MYRFL: variants seen among roughly 807,000 people sequenced by gnomAD.
MYRFL encodes myelin regulatory factor-like protein.
MYRFL carries 88 observed loss-of-function variants against 109.4 expected under a neutral mutation model. The ratio of observed to expected loss-of-function variants is 0.80; its 90% CI spans 0.68 to 0.96. MYRFL has a LOEUF of 0.96. MYRFL is among the 40% of genes least tolerant of loss of function. MYRFL has a pLI of 0.00. For missense variants in MYRFL, 957 were observed against 954.9 expected, an observed-to-expected ratio of 1.00 and a Z score of -0.03; for synonymous variants, 324 against 320.9, an observed-to-expected ratio of 1.01 and a Z score of -0.10.
At chr12:69,833,788 G>A (rs1592676484) in intron 1 of MYRFL, among the ~76,000 whole-genome samples, 1 of 144,698 alleles carries the variant, frequency 6.9e-6, no homozygotes, top group East Asian at 2.1e-4. Context: ...AGAGATAGTT[G>A]TAGAACTCAT....
Position 69,949,808 on chromosome 12 carries a change from A to G in MYRFL, c.2225-2305A>G, listed in dbSNP as rs75999740. Reference sequence around the variant, plus strand: ...TCAATTTTTTTCCTACATGGATCACATTTCACATTTTCCCAGAATAGCAAA... The same window carrying G: ...TCAATTTTTTTCCTACATGGATCACGTTTCACATTTTCCCAGAATAGCAAA... On this transcript the variant is annotated intron_variant, in intron 19 of 24. Coordinates refer to ENST00000552032, the MANE Select transcript of MYRFL (RefSeq NM_182530.3). Among the ~76,000 whole-genome samples, 656 of 152,218 alleles carry G rather than the reference A, an allele frequency of 4.3e-3. 6 individuals are homozygous for G. The highest frequency in any genetic ancestry group is 0.015 in the African/African-American group (605 of 41,546).
At chr12:69,845,541 G>A (rs1015405360) in intron 1 of MYRFL, among the ~76,000 whole-genome samples, 3 of 152,168 alleles carry the variant, frequency 2.0e-5, no homozygotes, top group Non-Finnish European at 1.5e-5. Flanking sequence ...AGTTGGTGAT[G>A]TCTCCTCCAC....
intron 11 of MYRFL, among the ~76,000 whole-genome samples, chr12:69,904,961 A>G (rs1221625928): frequency 1.3e-5 from 2 of 152,176 alleles, no homozygotes; most frequent in Non-Finnish European, 2.9e-5. Context: ...TGCTTAGAGG[A>G]TTCCAAAGAA....
chr12:69,922,587 C>A (rs1954948855), intron 13 of MYRFL, among the ~76,000 whole-genome samples: 3 of 152,174 alleles, frequency 2.0e-5, no homozygotes, highest in Non-Finnish European at 4.4e-5. Context: ...CAGCGACCCT[C>A]TTCCACCAAC....
chr12:69,912,132 C>G (rs1954591123), intron 13 of MYRFL, among the ~76,000 whole-genome samples: 1 of 152,224 alleles, frequency 6.6e-6, no homozygotes, highest in African/African-American at 2.4e-5. Context: ...CAGCCCAGGG[C>G]TGCAAGAGCA....
At chr12:69,946,479 G>A (rs554165528) in intron 19 of MYRFL, 3 of 152,080 alleles carry the variant, frequency 2.0e-5, no homozygotes, top group South Asian at 2.1e-4. Flanking sequence ...TTTTGGCCCC[G>A]AGAATCCACT....
intron 1 of MYRFL, among the ~76,000 whole-genome samples, chr12:69,838,709 C>T (rs1438604174): frequency 6.6e-6 from 1 of 152,150 alleles, no homozygotes; most frequent in African/African-American, 2.4e-5. Flanking sequence ...TGGAAGAAGG[C>T]TTAGCTGTAA....
At chr12:69,923,869 T>C (rs1338435740) in intron 13 of MYRFL, among the ~76,000 whole-genome samples, 1 of 152,156 alleles carries the variant, frequency 6.6e-6, no homozygotes, top group Non-Finnish European at 1.5e-5. Flanking sequence ...TTTAAAAATT[T>C]TGTTTATTTT....
chr12:69,863,614 C>T (rs1884832662), intron 2 of MYRFL, among the ~76,000 whole-genome samples: 2 of 152,128 alleles, frequency 1.3e-5, no homozygotes, highest in South Asian at 4.1e-4. Flanking sequence ...TGTATTGCAT[C>T]TATATATATT....
intron 16 of MYRFL, among the ~76,000 whole-genome samples, chr12:69,932,862 CGTGTGTGT>C (rs3970822): frequency 1.3e-5 from 2 of 149,350 alleles, no homozygotes; most frequent in African/African-American, 4.9e-5. Flanking sequence ...CTGTGCCTTT[CGTGTGTGT>C]GTGTGTGTGT....
At chr12:69,925,199 G>A (rs1290916500) in intron 13 of MYRFL, among the ~76,000 whole-genome samples, 1 of 152,144 alleles carries the variant, frequency 6.6e-6, no homozygotes, top group Admixed American at 6.5e-5. Context: ...TTTATCTTAG[G>A]TAATTATGGG....
At chr12:69,952,627 C>T (rs953168108) in intron 20 of MYRFL, among the ~76,000 whole-genome samples, 172 bp from the exon 21 acceptor site, 1 of 152,120 alleles carries the variant, frequency 6.6e-6, no homozygotes, top group Admixed American at 6.5e-5. Context: ...CCCCAAAAAG[C>T]CTTCTCCCCT....
At position 69,936,201 on chromosome 12, in the gene MYRFL, T is replaced by A; in HGVS notation, c.1991+14T>A. The A allele has an allele frequency of 6.5e-7, 1 of 1,529,112 alleles. No homozygotes were observed. The highest frequency in any genetic ancestry group is 8.7e-7 in the Non-Finnish European group (1 of 1,143,968). 94.7% of individuals were successfully genotyped at this position (1,529,112 alleles called of 1,614,324 possible). ...TCTCCCTCCAAGGTGAGAGTTCAGT[T>A]CAATTTTCTGGCCTAAAATTCCTTT... is the stretch of plus-strand genomic sequence containing the variant. On this transcript the variant is annotated intron_variant, in intron 17 of 24. Transcript: ENST00000552032.
intron 7 of MYRFL, 24 bp from the exon 8 acceptor site, chr12:69,893,739 GT>G: frequency 7.6e-7 from 1 of 1,308,780 alleles, no homozygotes; most frequent in Non-Finnish European, 9.9e-7. Context: ...TAATTAATTA[GT>G]TTACTTTTTG....
At chr12:69,852,972 C>G (rs1361362736) in intron 1 of MYRFL, among the ~76,000 whole-genome samples, 1 of 152,202 alleles carries the variant, frequency 6.6e-6, no homozygotes, top group African/African-American at 2.4e-5. Context: ...AATGGAGTCT[C>G]CTACGTCTAC....
chr12:69,891,682 T>TTTCTTTCTTTCTTTTG (rs1277296623), intron 7 of MYRFL, among the ~76,000 whole-genome samples: 1 of 101,474 alleles, frequency 9.9e-6, no homozygotes, highest in African/African-American at 4.4e-5. Flanking sequence ...TCTTTCTTTC[T>TTTCTTTCTTTCTTTTG]TTCGTTCGTT....
Position 69,913,536 on chromosome 12 carries a change from A to C in MYRFL, c.1602+2606A>C, listed in dbSNP as rs146357753. Among the ~76,000 whole-genome samples, 653 of 152,320 alleles carry C rather than the reference A, an allele frequency of 4.3e-3. 2 individuals carry two copies. The highest frequency in any genetic ancestry group is 0.015 in the African/African-American group (606 of 41,588). On this transcript the variant is annotated intron_variant, in intron 13 of 24. Transcript: ENST00000552032. Reference sequence around the variant, plus strand: ...TATGGATACCCAGTTTTCCTGGCACAATTTGTTGAAAAGACTGTCCTTTTC... The same window carrying C: ...TATGGATACCCAGTTTTCCTGGCACCATTTGTTGAAAAGACTGTCCTTTTC...
rs932875339 is a variant in MYRFL, at chr12:69,873,069, C to G, written c.138-5959C>G. ...CTGAAACTGAGGGTAGTACCAAACC[C>G]TATATATGCTATGCACAAATTTCTT... On this transcript the variant is annotated intron_variant, in intron 2 of 24. Transcript: ENST00000552032. 2.6e-5 allele frequency among the ~76,000 whole-genome samples: 4 copies of G among 152,154 alleles called. No individual in the cohort carries two copies. In the East Asian group the frequency reaches 5.8e-4, roughly 22 times the overall value.
At chr12:69,935,321 G>A (rs1444123301) in intron 16 of MYRFL, among the ~76,000 whole-genome samples, 3 of 151,922 alleles carry the variant, frequency 2.0e-5, no homozygotes, top group Admixed American at 6.6e-5. Context: ...ACTCTTTCAA[G>A]CCTAGCACAA....
Sources: allele counts gnomAD v4.1 joint callset (sites outside exome capture counted in the v4.1 genomes callset), GRCh38; gene constraint gnomAD v4.1.1; transcripts MANE v1.5; gene names NCBI Gene and HGNC (gene_info 2026-07-23, HGNC 2026-07-21).